Variants in LTBP1 observed in about 807,000 individuals in gnomAD.
LTBP1 encodes the protein latent-transforming growth factor beta-binding protein 1.
Under a neutral mutation model 207.6 loss-of-function variants are expected in LTBP1, and 129 were observed. The ratio of observed to expected loss-of-function variants is 0.62; its 90% CI spans 0.54 to 0.72. The LOEUF (loss-of-function observed/expected upper bound fraction) is 0.72. Among genes scored for constraint, LTBP1 ranks in the 30% least tolerant of loss-of-function variants. The pLI is 0.00. For missense variants in LTBP1, 2,281 were observed against 2,217.2 expected, an observed-to-expected ratio of 1.03 and a Z score of -0.58; for synonymous variants, 963 against 833.7, an observed-to-expected ratio of 1.16 and a Z score of -2.67.
At chr2:33,059,186 A>G (rs949882115) in intron 3 of LTBP1, among the ~76,000 whole-genome samples, 1 of 152,156 alleles carries the variant, frequency 6.6e-6, no homozygotes, top group African/African-American at 2.4e-5. Flanking sequence ...TGGATTTGCT[A>G]TTTTGTGTCC....
intron 3 of LTBP1, among the ~76,000 whole-genome samples, chr2:33,035,924 T>G (rs926894180): frequency 6.6e-6 from 1 of 152,228 alleles, no homozygotes; most frequent in Non-Finnish European, 1.5e-5. Flanking sequence ...TCTTACGTGG[T>G]CCTTGTTAAT....
intron 3 of LTBP1, among the ~76,000 whole-genome samples, chr2:33,059,450 A>G (rs1355547191): frequency 6.6e-6 from 1 of 152,214 alleles, no homozygotes; most frequent in Non-Finnish European, 1.5e-5. Flanking sequence ...ACACCTTAAA[A>G]GAGACTCCTT....
intron 2 of LTBP1, among the ~76,000 whole-genome samples, chr2:32,977,470 T>A (rs1376711730): frequency 6.6e-6 from 1 of 152,160 alleles, no homozygotes; most frequent in East Asian, 1.9e-4. Flanking sequence ...GGAGCAATCT[T>A]ATTGCTTCCA....
chr2:33,211,588 G>C (rs1341774069), intron 7 of LTBP1, among the ~76,000 whole-genome samples: 2 of 152,174 alleles, frequency 1.3e-5, no homozygotes, highest in Non-Finnish European at 2.9e-5. Flanking sequence ...CTCCAGTCCA[G>C]CACTCTTTTC....
intron 3 of LTBP1, among the ~76,000 whole-genome samples, chr2:33,031,544 G>T (rs919734630): frequency 1.3e-5 from 2 of 152,164 alleles, no homozygotes; most frequent in African/African-American, 4.8e-5. Flanking sequence ...TAAACTATGT[G>T]GTGCATAGTA....
intron 31 of LTBP1, among the ~76,000 whole-genome samples, chr2:33,375,416 G>C (rs2095125253): frequency 6.6e-6 from 1 of 152,232 alleles, no homozygotes; most frequent in African/African-American, 2.4e-5. Context: ...GAATACCCCT[G>C]TGTACTTGCA....
At chr2:33,157,068 G>A (rs889154336) in intron 5 of LTBP1, among the ~76,000 whole-genome samples, 21 of 152,184 alleles carry the variant, frequency 1.4e-4, no homozygotes, top group African/African-American at 4.8e-4. Flanking sequence ...TGGACTCCAG[G>A]CATGCAGGGG....
At chr2:33,054,734 G>A (rs1208383945) in intron 3 of LTBP1, among the ~76,000 whole-genome samples, 1 of 152,160 alleles carries the variant, frequency 6.6e-6, no homozygotes, top group Non-Finnish European at 1.5e-5. Context: ...CCAGTGTCCA[G>A]GAGGAAGTCA....
At chr2:33,089,518 A>T (rs1426303013) in intron 3 of LTBP1, among the ~76,000 whole-genome samples, 7 of 152,206 alleles carry the variant, frequency 4.6e-5, no homozygotes, top group African/African-American at 1.7e-4. Flanking sequence ...CCTGCAGTGC[A>T]CAAGATAGCC....
chr2:33,152,509 G>A (rs1311045934), intron 5 of LTBP1, among the ~76,000 whole-genome samples: 1 of 152,202 alleles, frequency 6.6e-6, no homozygotes, highest in Non-Finnish European at 1.5e-5. Context: ...ACAGTGTGGA[G>A]ATTCCTTAAA....
chr2:33,184,369 A>AT (rs754136317), intron 5 of LTBP1, among the ~76,000 whole-genome samples: 1 of 152,010 alleles, frequency 6.6e-6, no homozygotes, highest in Non-Finnish European at 1.5e-5. Flanking sequence ...TTATCACCTG[A>AT]TCTCTTCCCT....
At chr2:33,354,014 C>T (rs942238815) in intron 26 of LTBP1, among the ~76,000 whole-genome samples, 9 of 152,114 alleles carry the variant, frequency 5.9e-5, no homozygotes, top group African/African-American at 2.2e-4. Flanking sequence ...CTCCCGCCAC[C>T]ATGCCCTGCT....
intron 2 of LTBP1, among the ~76,000 whole-genome samples, chr2:33,012,281 G>T (rs925828884): frequency 6.6e-6 from 1 of 152,184 alleles, no homozygotes; most frequent in South Asian, 2.1e-4. Flanking sequence ...ATGGGGTGGG[G>T]GGGGCTTCAC....
intron 23 of LTBP1, among the ~76,000 whole-genome samples, chr2:33,310,267 T>G (rs1345091706): frequency 6.6e-6 from 1 of 152,140 alleles, no homozygotes; most frequent in Non-Finnish European, 1.5e-5. Flanking sequence ...TTTCTCTTCC[T>G]AAAAAGCCTC....
rs148613714 is a variant in LTBP1 at position 32,968,651 on chromosome 2, A to G, written c.565+19706A>G. 6.2e-3 allele frequency among the ~76,000 whole-genome samples: 942 copies of G among 151,300 alleles called. 12 individuals are homozygous for G. The highest frequency in any genetic ancestry group is 0.022 in the African/African-American group (895 of 41,254). ...TATTGATACAGTTGGATTAATAGCT[A>G]CTGTATTTGTTACTGTTTTCTATTC... On this transcript the variant is annotated intron_variant, in intron 2 of 33. Coordinates refer to ENST00000404816, the MANE Select transcript of LTBP1 (RefSeq NM_206943.4).
At chr2:33,082,581 C>G (rs551146059) in intron 3 of LTBP1, among the ~76,000 whole-genome samples, 49 of 151,772 alleles carry the variant, frequency 3.2e-4, no homozygotes, top group African/African-American at 1.1e-3. Context: ...TCCACCAGCA[C>G]GCCTGGCTAA....
chr2:33,274,883 A>T, intron 16 of LTBP1, 82 bp from the exon 17 acceptor site: 1 of 1,370,506 alleles, frequency 7.3e-7, no homozygotes, highest in Non-Finnish European at 1.0e-6. Context: ...CCCAGGGAAT[A>T]GTATGATGGT....
chr2:33,040,532 G>A (rs1444638601), intron 3 of LTBP1, among the ~76,000 whole-genome samples: 1 of 152,188 alleles, frequency 6.6e-6, no homozygotes, highest in Admixed American at 6.5e-5. Flanking sequence ...TCATTTCAAA[G>A]CCCTTGGTAA....
At chr2:33,283,051 G>C (rs1486544828) in intron 19 of LTBP1, among the ~76,000 whole-genome samples, 2 of 110,754 alleles carry the variant, frequency 1.8e-5, no homozygotes, top group African/African-American at 7.5e-5. Flanking sequence ...GACAGAGCAA[G>C]ACTCCATCTC....
Sources: gnomAD v4.1 joint callset for allele counts (sites outside exome capture counted in the v4.1 genomes callset) on GRCh38, gnomAD v4.1.1 for gene constraint, MANE v1.5 for transcripts, NCBI Gene and HGNC (gene_info 2026-07-23, HGNC 2026-07-21) for gene names.